Variants in ITK observed in about 807,000 individuals in gnomAD.
ITK encodes tyrosine-protein kinase ITK/TSK.
In ITK, 45 loss-of-function variants were observed where a neutral mutation model predicts 87.6. The observed-to-expected ratio is 0.51, with a 90% CI of 0.40 to 0.66. The LOEUF is 0.66. Among genes scored for constraint, ITK ranks in the 30% least tolerant of loss-of-function variants. The pLI, the probability that ITK is intolerant of heterozygous loss-of-function variation, is 0.00. For missense variants in ITK, 605 were observed against 766.3 expected (o/e 0.79, Z 2.48); for synonymous variants, 303 against 273.6 (o/e 1.11, Z -1.06).
At chr5:157,216,155 T>G (rs918196035) in intron 4 of ITK, among the ~76,000 whole-genome samples, 4 of 152,218 alleles carry the variant, frequency 2.6e-5, no homozygotes, top group African/African-American at 9.6e-5. Flanking sequence ...TTCATGGATC[T>G]GAGTTTTGCA....
At chr5:157,195,297 G>T (rs911667237) in intron 1 of ITK, 1 of 152,166 alleles carries the variant, frequency 6.6e-6, no homozygotes, top group Admixed American at 6.5e-5. Flanking sequence ...CTGTGTTTCA[G>T]ATTTATATAA....
At position 157,221,686 on chromosome 5, in the gene ITK, T is replaced by C. The variant is rs558671912; in HGVS notation, c.496-1177T>C. 3.9e-5 allele frequency among the ~76,000 whole-genome samples: 6 copies of C among 152,292 alleles called. No individual in the cohort carries two copies. The South Asian group carries it at 1.2e-3, about 32-fold the overall frequency. On this transcript the variant is annotated intron_variant, in intron 5 of 16. Transcript: ENST00000422843. ...CTTTCTCTTCACAGCTATTAACCAATGAGTTGACCTGCAGTGGGATGAATG... is the reference window on the plus strand; with the variant it reads ...CTTTCTCTTCACAGCTATTAACCAACGAGTTGACCTGCAGTGGGATGAATG...
intron 1 of ITK, among the ~76,000 whole-genome samples, chr5:157,199,006 C>A (rs1753906778): frequency 6.6e-6 from 1 of 152,116 alleles, no homozygotes; most frequent in African/African-American, 2.4e-5. Context: ...CTCAGGCGAC[C>A]CTCCTTCTTT....
At chr5:157,245,457 C>A (rs1580909423) in intron 13 of ITK, 1 of 545,772 alleles carries the variant, frequency 1.8e-6, no homozygotes. Context: ...TAGAGCCTAT[C>A]TTTGGTTAGA....
intron 15 of ITK, among the ~76,000 whole-genome samples, chr5:157,248,576 A>G (rs1379139051): frequency 6.6e-6 from 1 of 152,212 alleles, no homozygotes; most frequent in African/African-American, 2.4e-5. Flanking sequence ...TACATCCTGC[A>G]TCTTGGCATT....
intron 1 of ITK, among the ~76,000 whole-genome samples, chr5:157,201,657 A>G (rs1027446946): frequency 2.6e-4 from 39 of 151,290 alleles, no homozygotes; most frequent in Admixed American, 2.6e-4. Flanking sequence ...GATAAATTAC[A>G]CTATAAAGTG....
intron 6 of ITK, among the ~76,000 whole-genome samples, chr5:157,226,590 G>C (rs1387295521): frequency 6.6e-6 from 1 of 152,118 alleles, no homozygotes; most frequent in Non-Finnish European, 1.5e-5. Flanking sequence ...TGATTGATTA[G>C]CAATGTCTGC....
chr5:157,181,805 C>T (rs1580869702), intron 1 of ITK, among the ~76,000 whole-genome samples: 1 of 152,222 alleles, frequency 6.6e-6, no homozygotes, highest in Admixed American at 6.5e-5. Flanking sequence ...AGTATGGCTG[C>T]TTTGCTAGGT....
Position 157,208,896 on chromosome 5 carries a change from G to A in ITK, c.146G>A (p.Arg49His), listed in dbSNP as rs762768477. ...GTTCTTCTCTCCCCACAGAAGAAGC[G>A]CACGCTGAAGGGGTCCATTGAGCTC... is the stretch of plus-strand genomic sequence containing the variant. ...AYFEDRHGKK[R>H]TLKGSIELSR... is the part of the protein sequence containing the mutation. Residue 49 changes from arginine to histidine, a missense_variant, in exon 2 of 17, where the codon CGC (arginine) becomes CAC (histidine). Coordinates refer to ENST00000422843, the MANE Select transcript of ITK (RefSeq NM_005546.4). 5.6e-6 allele frequency: 9 copies of A among 1,611,860 alleles called. No individual in the cohort carries two copies. The highest frequency in any genetic ancestry group is 7.6e-6 in the Non-Finnish European group (9 of 1,177,990).
intron 1 of ITK, among the ~76,000 whole-genome samples, chr5:157,193,641 A>G (rs1420527090): frequency 2.0e-5 from 3 of 152,226 alleles, no homozygotes; most frequent in Non-Finnish European, 4.4e-5. Flanking sequence ...TTACACATAT[A>G]GGACGAATAT....
intron 5 of ITK, among the ~76,000 whole-genome samples, chr5:157,218,511 G>GA (rs397884875): frequency 0.39 from 40,062 of 102,398 alleles, 7,015 homozygotes; most frequent in East Asian, 0.83. Flanking sequence ...CCCGTCTCCA[G>GA]AAAAAAAAAA....
At chr5:157,231,001 T>G (rs1378473184) in intron 7 of ITK, among the ~76,000 whole-genome samples, 2 of 152,234 alleles carry the variant, frequency 1.3e-5, no homozygotes, top group Non-Finnish European at 2.9e-5. Context: ...AGTATATAAC[T>G]GGATATATGA....
intron 1 of ITK, among the ~76,000 whole-genome samples, chr5:157,183,619 T>C (rs1753585480): frequency 6.6e-6 from 1 of 152,198 alleles, no homozygotes; most frequent in Non-Finnish European, 1.5e-5. Flanking sequence ...TTATGGGAGA[T>C]ATTCAAGGAT....
intron 2 of ITK, among the ~76,000 whole-genome samples, chr5:157,209,699 A>G (rs544103683): frequency 1.3e-5 from 2 of 152,274 alleles, no homozygotes; most frequent in African/African-American, 4.8e-5. Flanking sequence ...GGAGATTCTG[A>G]GGCAAAAAGA....
At chr5:157,189,656 G>A (rs911474427) in intron 1 of ITK, among the ~76,000 whole-genome samples, 3 of 152,134 alleles carry the variant, frequency 2.0e-5, no homozygotes, top group African/African-American at 7.2e-5. Context: ...ACTCCAGCCT[G>A]GGCGACACAG....
intron 1 of ITK, among the ~76,000 whole-genome samples, chr5:157,193,813 C>T (rs1317336513): frequency 6.6e-6 from 1 of 152,128 alleles, no homozygotes; most frequent in Non-Finnish European, 1.5e-5. Flanking sequence ...GACCAGCAGG[C>T]TTGCTCCAGA....
At chr5:157,241,556 T>C in intron 10 of ITK, 90 bp from the exon 11 acceptor site, 1 of 897,364 alleles carries the variant, frequency 1.1e-6, no homozygotes, top group African/African-American at 1.6e-5. Context: ...TTGCGTCTGA[T>C]GATGATTATT....
Position 157,248,802 on chromosome 5 carries a change from G to T in ITK, c.1634-48G>T, listed in dbSNP as rs760304902. 3 of 1,611,998 alleles carry T rather than the reference G, an allele frequency of 1.9e-6. No homozygotes were observed. In the African/African-American group the frequency reaches 4.0e-5, roughly 22 times the overall value. ...CTAGAGGCAGGTTGGTTTGTTTGCT[G>T]TCTGTGGGCTTTGTCATTCACTGTG... On this transcript the variant is annotated intron_variant, in intron 15 of 16. Coordinates refer to ENST00000422843, the MANE Select transcript of ITK (RefSeq NM_005546.4).
At chr5:157,209,317 T>A (rs1300020191) in intron 2 of ITK, among the ~76,000 whole-genome samples, 1 of 138,436 alleles carries the variant, frequency 7.2e-6, no homozygotes, top group African/African-American at 2.9e-5. Flanking sequence ...GGCAACAGAG[T>A]GAGACTCCGT....
Sources: gnomAD v4.1 joint callset for allele counts (sites outside exome capture counted in the v4.1 genomes callset) on GRCh38, gnomAD v4.1.1 for gene constraint, MANE v1.5 for transcripts, NCBI Gene and HGNC (gene_info 2026-07-23, HGNC 2026-07-21) for gene names.